Variants in STXBP5L observed in about 807,000 individuals in gnomAD.
The protein encoded by STXBP5L is syntaxin-binding protein 5-like.
In STXBP5L, 65 loss-of-function variants were observed where a neutral mutation model predicts 144.5. The ratio of observed to expected loss-of-function variants is 0.45; its 90% confidence interval spans 0.37 to 0.55. STXBP5L has a LOEUF of 0.55. Among genes scored for constraint, STXBP5L ranks in the 20% least tolerant of loss-of-function variants. STXBP5L has a pLI of 0.00. For missense variants in STXBP5L, 1,298 were observed against 1,405.5 expected (o/e 0.92, Z 1.22); for synonymous variants, 505 against 469.6 (o/e 1.08, Z -0.97).
chr3:121,218,759 G>C (rs1274747632), intron 10 of STXBP5L, among the ~76,000 whole-genome samples: 1 of 152,288 alleles, frequency 6.6e-6, no homozygotes, highest in East Asian at 1.9e-4. Flanking sequence ...AGTTAAGGCA[G>C]TGTAAAGTAA....
chr3:120,992,767 A>G (rs1387549862), intron 3 of STXBP5L, among the ~76,000 whole-genome samples: 3 of 152,118 alleles, frequency 2.0e-5, no homozygotes, highest in African/African-American at 7.2e-5. Context: ...TAAACATGGA[A>G]CTGCAGATAT....
At chr3:121,297,917 A>G (rs2051724862) in intron 19 of STXBP5L, among the ~76,000 whole-genome samples, 1 of 152,242 alleles carries the variant, frequency 6.6e-6, no homozygotes, top group Non-Finnish European at 1.5e-5. Flanking sequence ...TTAGCTGTTA[A>G]TGAATAATGC....
intron 7 of STXBP5L, among the ~76,000 whole-genome samples, chr3:121,132,631 A>G (rs185936377): frequency 6.6e-6 from 1 of 152,318 alleles, no homozygotes; most frequent in African/African-American, 2.4e-5. Flanking sequence ...TCAGACAAAA[A>G]TATTTAAACA....
chr3:121,326,839 TG>T (rs1160071896), intron 20 of STXBP5L, among the ~76,000 whole-genome samples: 1 of 152,162 alleles, frequency 6.6e-6, no homozygotes, highest in East Asian at 1.9e-4. Context: ...TTGACCATTC[TG>T]GACTTCCAAA....
At chr3:121,019,093 G>A (rs1026218528) in intron 3 of STXBP5L, among the ~76,000 whole-genome samples, 21 of 152,162 alleles carry the variant, frequency 1.4e-4, no homozygotes, top group African/African-American at 5.1e-4. Flanking sequence ...TCAGGCCTGT[G>A]GCTGCAGGCT....
At chr3:121,234,980 T>A (rs756958068) in intron 12 of STXBP5L, among the ~76,000 whole-genome samples, 1 of 151,600 alleles carries the variant, frequency 6.6e-6, no homozygotes, top group Non-Finnish European at 1.5e-5. Context: ...TCATGCCCAC[T>A]TTCTTCAGTA....
chr3:120,982,950 C>G (rs1005129053), intron 3 of STXBP5L, among the ~76,000 whole-genome samples: 19 of 152,156 alleles, frequency 1.2e-4, no homozygotes, highest in Non-Finnish European at 2.8e-4. Context: ...GGGCTGGTCC[C>G]CAGTCCTGCA....
At chr3:121,041,614 C>T in intron 3 of STXBP5L, 86 bp from the exon 4 acceptor site, 1 of 998,406 alleles carries the variant, frequency 1.0e-6, no homozygotes, top group Non-Finnish European at 1.6e-6. Context: ...AATAGCAAAA[C>T]ATCTGTTGAT....
intron 20 of STXBP5L, among the ~76,000 whole-genome samples, chr3:121,368,423 T>C (rs2045930469): frequency 6.6e-6 from 1 of 152,094 alleles, no homozygotes; most frequent in South Asian, 2.1e-4. Context: ...TTAAGCATCA[T>C]TAAGACAGTT....
At chr3:121,272,938 A>T (rs188931901) in intron 18 of STXBP5L, among the ~76,000 whole-genome samples, 31 of 152,074 alleles carry the variant, frequency 2.0e-4, no homozygotes, top group Admixed American at 5.9e-4. Flanking sequence ...ATTTATATAT[A>T]TTTTATATTG....
At chr3:121,098,175 A>T (rs1365428727) in intron 5 of STXBP5L, among the ~76,000 whole-genome samples, 1 of 152,088 alleles carries the variant, frequency 6.6e-6, no homozygotes, top group Non-Finnish European at 1.5e-5. Context: ...AAATTGGTGG[A>T]GATTGTTTGA....
intron 5 of STXBP5L, among the ~76,000 whole-genome samples, chr3:121,061,654 G>A (rs80063054): frequency 6.6e-6 from 1 of 152,196 alleles, no homozygotes; most frequent in South Asian, 2.1e-4. Context: ...GGGTGCTCCT[G>A]TATGTGGTGC....
At chr3:121,230,023 T>A (rs1449187107) in intron 11 of STXBP5L, among the ~76,000 whole-genome samples, 1 of 152,214 alleles carries the variant, frequency 6.6e-6, no homozygotes, top group Non-Finnish European at 1.5e-5. Flanking sequence ...TGAAAATGAC[T>A]TGTACATTTA....
intron 5 of STXBP5L, among the ~76,000 whole-genome samples, chr3:121,074,079 G>A (rs7615991): frequency 0.25 from 38,136 of 152,028 alleles, 4,931 homozygotes; most frequent in African/African-American, 0.28. Context: ...GGGTCACTTG[G>A]TGGCACAAAA....
At chr3:121,376,552 G>A (rs1410132880) in intron 20 of STXBP5L, among the ~76,000 whole-genome samples, 2 of 152,124 alleles carry the variant, frequency 1.3e-5, no homozygotes, top group East Asian at 3.8e-4. Flanking sequence ...TAGATGTGTG[G>A]TATTATTTCT....
intron 3 of STXBP5L, among the ~76,000 whole-genome samples, chr3:121,009,782 G>A (rs780587743): frequency 2.8e-4 from 42 of 151,918 alleles, no homozygotes; most frequent in African/African-American, 8.7e-4. Flanking sequence ...TTGGTGGATC[G>A]TAATGTTTTT....
At chr3:121,127,054 T>C (rs2044739363) in intron 7 of STXBP5L, among the ~76,000 whole-genome samples, 2 of 148,578 alleles carry the variant, frequency 1.3e-5, no homozygotes. Context: ...AGAGTGTGGG[T>C]GTCTTTGGGA....
At chr3:121,338,762 T>G (rs2044603028) in intron 20 of STXBP5L, among the ~76,000 whole-genome samples, 1 of 152,098 alleles carries the variant, frequency 6.6e-6, no homozygotes, top group Non-Finnish European at 1.5e-5. Context: ...AAGACTACTA[T>G]GAACACCTCT....
At chr3:121,235,406 G>A (rs2049444465) in intron 12 of STXBP5L, among the ~76,000 whole-genome samples, 2 of 151,882 alleles carry the variant, frequency 1.3e-5, no homozygotes, top group South Asian at 4.2e-4. Flanking sequence ...ATTTCTTTAT[G>A]TCTAAATTCC....
Sources: gnomAD v4.1 joint callset for allele counts (sites outside exome capture counted in the v4.1 genomes callset) on GRCh38, gnomAD v4.1.1 for gene constraint, MANE v1.5 for transcripts, NCBI Gene and HGNC (gene_info 2026-07-23, HGNC 2026-07-21) for gene names.